CHD7: variants seen among roughly 807,000 people sequenced by gnomAD.
The protein encoded by CHD7 is ATP-dependent chromatin remodeler CHD7.
CHD7 carries 24 observed loss-of-function variants against 307.3 expected under a neutral mutation model. That is an observed-to-expected ratio of 0.08 (90% CI 0.06 to 0.11). The LOEUF (loss-of-function observed/expected upper bound fraction) is 0.11, where lower values mean the gene tolerates loss of function less well. Among genes scored for constraint, CHD7 ranks in the 10% least tolerant of loss-of-function variants. The pLI is 1.00. For synonymous variants in CHD7, 1,363 were observed against 1,349.9 expected (o/e 1.01, Z -0.21); for missense variants, 3,106 against 3,727.1 (o/e 0.83, Z 4.34).
At chr8:60,715,305 C>G (rs1420657878) in intron 1 of CHD7, among the ~76,000 whole-genome samples, 1 of 150,818 alleles carries the variant, frequency 6.6e-6, no homozygotes, top group South Asian at 2.1e-4. Context: ...AGGGGCCTTT[C>G]CAGCACACAG....
chr8:60,745,032 C>G (rs1809256064), intron 2 of CHD7, among the ~76,000 whole-genome samples: 1 of 150,312 alleles, frequency 6.7e-6, no homozygotes. Flanking sequence ...GGCAGCTTCC[C>G]TGAAGACCTT....
At chr8:60,803,393 A>G (rs908012387) in intron 6 of CHD7, among the ~76,000 whole-genome samples, 6 of 152,100 alleles carry the variant, frequency 3.9e-5, no homozygotes, top group Non-Finnish European at 7.4e-5. Context: ...TGTTTTGCCC[A>G]CTTTAGGGTT....
intron 34 of CHD7, among the ~76,000 whole-genome samples, chr8:60,859,859 GA>G (rs1165443530): frequency 6.6e-6 from 1 of 152,056 alleles, no homozygotes; most frequent in Non-Finnish European, 1.5e-5. Context: ...TGCAATTATT[GA>G]AAAAAATAGG....
chr8:60,843,552 T>C (rs1030016982), intron 21 of CHD7, among the ~76,000 whole-genome samples: 4 of 152,210 alleles, frequency 2.6e-5, no homozygotes, highest in African/African-American at 9.6e-5. Context: ...GGTGGAGCTC[T>C]GAGCAAGACA....
intron 2 of CHD7, among the ~76,000 whole-genome samples, chr8:60,751,468 C>G (rs1478751017): frequency 6.6e-6 from 1 of 152,178 alleles, no homozygotes; most frequent in Non-Finnish European, 1.5e-5. Context: ...GAGAACTAAT[C>G]TGGAGAATTT....
intron 1 of CHD7, among the ~76,000 whole-genome samples, chr8:60,740,294 C>T (rs999383398): frequency 1.3e-5 from 2 of 152,232 alleles, no homozygotes; most frequent in Non-Finnish European, 2.9e-5. Context: ...ATATTTTGAA[C>T]TTTATTCTGT....
At chr8:60,846,602 G>C (rs1360627800) in intron 23 of CHD7, among the ~76,000 whole-genome samples, 1 of 152,204 alleles carries the variant, frequency 6.6e-6, no homozygotes, top group East Asian at 1.9e-4. Flanking sequence ...GAGTCCAGTA[G>C]ACCTCGGCAG....
At chr8:60,706,219 T>C (rs542308362) in intron 1 of CHD7, among the ~76,000 whole-genome samples, 6 of 152,324 alleles carry the variant, frequency 3.9e-5, no homozygotes, top group African/African-American at 1.4e-4. Flanking sequence ...GATTCATATT[T>C]TTTTTGTGTG....
At chr8:60,807,959 G>A (rs1303898137) in intron 6 of CHD7, among the ~76,000 whole-genome samples, 1 of 152,358 alleles carries the variant, frequency 6.6e-6, no homozygotes, top group South Asian at 2.1e-4. Context: ...GAATGAAGCT[G>A]CATGTGGTTA....
chr8:60,787,482 T>A (rs1811546159), intron 3 of CHD7, among the ~76,000 whole-genome samples: 1 of 152,240 alleles, frequency 6.6e-6, no homozygotes, highest in East Asian at 1.9e-4. Context: ...GGCCTATTTT[T>A]TATATAGTTT....
intron 1 of CHD7, among the ~76,000 whole-genome samples, chr8:60,738,196 T>C (rs61118733): frequency 0.015 from 2,210 of 152,296 alleles, 62 homozygotes; most frequent in African/African-American, 0.05. Flanking sequence ...CTAATAGGAA[T>C]TGAGATGTAC....
At chr8:60,727,368 T>TCC (rs968145131) in intron 1 of CHD7, among the ~76,000 whole-genome samples, 4 of 151,760 alleles carry the variant, frequency 2.6e-5, no homozygotes, top group Admixed American at 2.6e-4. Flanking sequence ...TCTCAAGTGA[T>TCC]CCCCCCCACC....
In CHD7 at chr8:60,808,246, G is replaced by A. The variant is rs746946074; in HGVS notation, c.2472G>A (p.Glu824=). ...AATCTGGAGAGGAGGTAGAAATTGA[G>A]GAATTCTATGTGAAATACAAAAACT... The part of the protein sequence containing the change: ...QKESGEEVEI[E]EFYVKYKNFS... The change falls in exon 7 of 38, where the codon GAG becomes GAA. Residue 824 remains glutamate, a synonymous_variant. Coordinates refer to ENST00000423902, the MANE Select transcript of CHD7 (RefSeq NM_017780.4). 13 of 1,595,136 alleles carry A rather than the reference G, an allele frequency of 8.1e-6. No individual in the cohort carries two copies. The South Asian group carries it at 1.5e-4, about 18-fold the overall frequency.
chr8:60,783,417 C>G (rs1811354180), intron 3 of CHD7, among the ~76,000 whole-genome samples: 1 of 152,080 alleles, frequency 6.6e-6, no homozygotes, highest in African/African-American at 2.4e-5. Flanking sequence ...TGTGTTTATC[C>G]ACTAGAGAAA....
intron 1 of CHD7, among the ~76,000 whole-genome samples, chr8:60,686,466 A>T (rs1026330051): frequency 4.6e-5 from 7 of 152,122 alleles, no homozygotes; most frequent in Non-Finnish European, 8.8e-5. Flanking sequence ...GGAAAGGCGC[A>T]TGCAGGCCCC....
At chr8:60,682,529 A>G (rs574461585) in intron 1 of CHD7, among the ~76,000 whole-genome samples, 3 of 152,352 alleles carry the variant, frequency 2.0e-5, no homozygotes, top group Non-Finnish European at 4.4e-5. Flanking sequence ...CTAAGATTAC[A>G]GCATTGTATT....
chr8:60,755,463 A>T (rs1809847065), intron 2 of CHD7, among the ~76,000 whole-genome samples: 1 of 152,070 alleles, frequency 6.6e-6, no homozygotes, highest in Admixed American at 6.5e-5. Context: ...CTCAAATTTA[A>T]ATATAGGGAG....
chr8:60,811,174 A>T (rs1812789088), intron 7 of CHD7, among the ~76,000 whole-genome samples: 1 of 152,076 alleles, frequency 6.6e-6, no homozygotes, highest in Non-Finnish European at 1.5e-5. Flanking sequence ...GATACACAGT[A>T]TGTTTCTTTA....
chr8:60,857,938 A>G (rs1805787418), intron 34 of CHD7, among the ~76,000 whole-genome samples: 1 of 152,232 alleles, frequency 6.6e-6, no homozygotes. Flanking sequence ...TTAAAACAGA[A>G]GCATTCAGGT....
Sources: allele counts gnomAD v4.1 joint callset (sites outside exome capture counted in the v4.1 genomes callset), GRCh38; gene constraint gnomAD v4.1.1; transcripts MANE v1.5; gene names NCBI Gene and HGNC (gene_info 2026-07-23, HGNC 2026-07-21).